Variants in MEF2C observed in about 807,000 individuals in gnomAD.
MEF2C encodes myocyte-specific enhancer factor 2C.
In MEF2C, 6 loss-of-function variants were observed where a neutral mutation model predicts 50.5. That is an observed-to-expected ratio of 0.12 (90% CI 0.07 to 0.23). The LOEUF is 0.23. Among genes scored for constraint, MEF2C ranks in the 10% least tolerant of loss-of-function variants. The probability of loss-of-function intolerance (pLI) is 1.00; values close to 1 mark genes in which losing one functional copy is unlikely to be tolerated. For missense variants in MEF2C, 276 were observed against 605.0 expected (o/e 0.46, Z 5.70); for synonymous variants, 183 against 228.0 (o/e 0.80, Z 1.78).
At chr5:88,739,299 A>G in intron 6 of MEF2C, 2 of 984,474 alleles carry the variant, frequency 2.0e-6, no homozygotes, top group Non-Finnish European at 2.4e-6. Context: ...CTGAAGTATC[A>G]ATTTGCTGCT....
chr5:88,824,695 G>A (rs1162008326), intron 1 of MEF2C, among the ~76,000 whole-genome samples: 2 of 151,744 alleles, frequency 1.3e-5, no homozygotes, highest in African/African-American at 2.4e-5. Context: ...TTTATAACAA[G>A]CCATCCTTCC....
intron 2 of MEF2C, among the ~76,000 whole-genome samples, chr5:88,814,295 C>T (rs775563337): frequency 1.6e-4 from 25 of 152,030 alleles, no homozygotes; most frequent in Admixed American, 4.6e-4. Context: ...TGATTACTCT[C>T]GGTGGGAGGA....
At chr5:88,886,026 C>T (rs917695403), upstream of MEF2C, among the ~76,000 whole-genome samples, 1 of 152,086 alleles carries the variant, frequency 6.6e-6, no homozygotes, top group African/African-American at 2.4e-5. Context: ...AGTATAACCC[C>T]ACACTGGATA....
chr5:88,871,981 A>T (rs1373076647), intron 1 of MEF2C, among the ~76,000 whole-genome samples: 1 of 152,086 alleles, frequency 6.6e-6, no homozygotes, highest in Admixed American at 6.6e-5. Context: ...TTATGGGAAA[A>T]TACAATTCAT....
At chr5:88,734,598 T>TTTTTTTTTTTTTTG in intron 6 of MEF2C, 3 of 883,912 alleles carry the variant, frequency 3.4e-6, no homozygotes, top group Non-Finnish European at 4.0e-6. Context: ...TTTTTTTTTT[T>TTTTTTTTTTTTTTG]AGCATTTTCT....
intron 10 of MEF2C, 89 bp downstream of exon 10, chr5:88,728,404 A>T: frequency 9.7e-7 from 1 of 1,034,740 alleles, no homozygotes; most frequent in Non-Finnish European, 1.3e-6. Context: ...TATACCCGTT[A>T]ATGGGATATT....
intron 6 of MEF2C, chr5:88,743,127 C>T (rs867079167): frequency 1.9e-5 from 18 of 938,666 alleles, no homozygotes; most frequent in Middle Eastern, 5.4e-4. Context: ...TCATTTGCTG[C>T]TTAATAATAT....
intron 3 of MEF2C, among the ~76,000 whole-genome samples, chr5:88,795,210 A>C (rs1795501346): frequency 6.6e-6 from 1 of 152,164 alleles, no homozygotes; most frequent in African/African-American, 2.4e-5. Context: ...TGGGGATAGC[A>C]CTGAATCTAT....
intron 9 of MEF2C, 56 bp from the exon 10 acceptor site, chr5:88,728,684 G>A (rs1230876419): frequency 2.5e-6 from 3 of 1,190,724 alleles, no homozygotes; most frequent in Non-Finnish European, 2.2e-6. Context: ...ATTATCAAAT[G>A]GTAAATAGAA....
chr5:88,871,048 T>C (rs75432400), intron 1 of MEF2C, among the ~76,000 whole-genome samples: 1,878 of 152,190 alleles, frequency 0.012, 24 homozygotes, highest in Non-Finnish European at 0.019. Flanking sequence ...GAGAGGTCCA[T>C]ACATAAAAAC....
intron 3 of MEF2C, chr5:88,773,048 A>G: frequency 2.2e-6 from 1 of 446,862 alleles, no homozygotes. Flanking sequence ...GTGGGAACAC[A>G]ATACGTAAGT....
chr5:88,783,858 T>G (rs898903722), intron 3 of MEF2C, among the ~76,000 whole-genome samples: 1 of 152,202 alleles, frequency 6.6e-6, no homozygotes, highest in African/African-American at 2.4e-5. Flanking sequence ...ACAGACAATG[T>G]CTTCCAAACT....
intron 6 of MEF2C, among the ~76,000 whole-genome samples, chr5:88,744,397 C>T (rs562018825): frequency 3.3e-5 from 5 of 152,210 alleles, no homozygotes; most frequent in African/African-American, 1.2e-4. Flanking sequence ...TACTAAAATA[C>T]AGAATATTAG....
intron 1 of MEF2C, among the ~76,000 whole-genome samples, chr5:88,888,459 G>A (rs899644118): frequency 3.3e-5 from 5 of 152,200 alleles, no homozygotes; most frequent in African/African-American, 2.4e-5. Flanking sequence ...AGTTGCTTCA[G>A]AGTCAAAGAG....
intron 3 of MEF2C, 107 bp downstream of exon 3, chr5:88,804,491 G>T: frequency 1.0e-6 from 1 of 971,840 alleles, no homozygotes; most frequent in Non-Finnish European, 1.6e-6. Context: ...ATGGGACTAT[G>T]AACATCTTAA....
intron 6 of MEF2C, chr5:88,737,833 T>C: frequency 1.0e-6 from 1 of 985,420 alleles, no homozygotes. Flanking sequence ...CTTTACACTG[T>C]AGGCTTTATA....
chr5:88,757,152 A>C (rs1775734272), intron 4 of MEF2C, among the ~76,000 whole-genome samples: 1 of 152,210 alleles, frequency 6.6e-6, no homozygotes, highest in Admixed American at 6.5e-5. Context: ...ATCCCTGAAC[A>C]AAGTGATCAC....
chr5:88,786,128 C>T (rs974802903), intron 3 of MEF2C, among the ~76,000 whole-genome samples: 4 of 152,128 alleles, frequency 2.6e-5, no homozygotes, highest in Admixed American at 6.6e-5. Context: ...AAAGCACACA[C>T]ACACAAAGGG....
chr5:88,726,409 A>T (rs1017061280), intron 10 of MEF2C, among the ~76,000 whole-genome samples: 2 of 152,098 alleles, frequency 1.3e-5, no homozygotes, highest in African/African-American at 2.4e-5. Context: ...GGGATTTTTT[A>T]AAAAAACAGT....
Sources: gnomAD v4.1 joint callset for allele counts (sites outside exome capture counted in the v4.1 genomes callset) on GRCh38, gnomAD v4.1.1 for gene constraint, MANE v1.5 for transcripts, NCBI Gene and HGNC (gene_info 2026-07-23, HGNC 2026-07-21) for gene names.